The following PPP4R2 variants were observed in gnomAD, a reference collection of about 807,000 sequenced individuals.
The protein encoded by PPP4R2 is serine/threonine-protein phosphatase 4 regulatory subunit 2.
A neutral mutation model predicts 47.2 loss-of-function variants in PPP4R2; 13 were observed. That is an observed-to-expected ratio of 0.28 (90% confidence interval 0.18 to 0.44). The LOEUF (loss-of-function observed/expected upper bound fraction) is 0.44. PPP4R2 is among the 20% of genes least tolerant of loss of function. The pLI is 1.00. For missense variants in PPP4R2, 421 were observed against 491.2 expected (o/e 0.86, Z 1.35); for synonymous variants, 151 against 163.3 (o/e 0.92, Z 0.57).
chr3:73,039,481 G>A (rs73099331), intron 2 of PPP4R2, among the ~76,000 whole-genome samples: 47,166 of 152,046 alleles, frequency 0.31, 8,720 homozygotes, highest in South Asian at 0.51. Context: ...CAAAAATTCT[G>A]TTCATAATTG....
At position 73,065,921 on chromosome 3, in the gene PPP4R2, C is replaced by A. The variant is rs1223299778; in HGVS notation, c.*199C>A. Reference sequence around the variant, plus strand: ...GCTCCTCTGGGTCCTGCTTACCTTACCGCTGACTTTTCTTTCTTTCTTTTT... The same window carrying A: ...GCTCCTCTGGGTCCTGCTTACCTTAACGCTGACTTTTCTTTCTTTCTTTTT... On this transcript the variant is annotated 3_prime_UTR_variant, in exon 9 of 9. Coordinates refer to ENST00000356692, the MANE Select transcript of PPP4R2 (RefSeq NM_174907.4). 9 of 364,820 alleles carry A rather than the reference C, an allele frequency of 2.5e-5. No individual in the cohort carries two copies. In the East Asian group the frequency reaches 3.6e-4, roughly 15 times the overall value. 22.6% of individuals were successfully genotyped at this position (364,820 alleles called of 1,614,324 possible). A position where few individuals can be genotyped will look rare whatever the true frequency, so the allele number is the denominator to read the frequency against.
intron 8 of PPP4R2, 83 bp downstream of exon 8, chr3:73,065,224 C>T (rs1309145224): frequency 1.2e-5 from 17 of 1,382,030 alleles, no homozygotes; most frequent in African/African-American, 1.5e-5. Flanking sequence ...AAGAATTTTA[C>T]GTAATGGAAC....
At chr3:73,019,262 A>G (rs992562592) in intron 2 of PPP4R2, among the ~76,000 whole-genome samples, 3 of 152,196 alleles carry the variant, frequency 2.0e-5, no homozygotes, top group African/African-American at 7.2e-5. Flanking sequence ...ATGTTCACAC[A>G]TTGGAATCAT....
chr3:73,063,423 A>T, intron 5 of PPP4R2: 1 of 339,746 alleles, frequency 2.9e-6, no homozygotes, highest in Non-Finnish European at 5.5e-6. Context: ...CATGAGTTTG[A>T]GGCTAGCCTG....
At chr3:73,041,712 A>G (rs999610632) in intron 2 of PPP4R2, among the ~76,000 whole-genome samples, 13 of 152,358 alleles carry the variant, frequency 8.5e-5, no homozygotes, top group Non-Finnish European at 1.5e-4. Context: ...TGTGCAATGC[A>G]GATAGGCTGA....
chr3:73,010,483 ATTTG>A (rs1701700147), intron 2 of PPP4R2, among the ~76,000 whole-genome samples: 4 of 152,094 alleles, frequency 2.6e-5, no homozygotes, highest in South Asian at 2.1e-4. Flanking sequence ...TATGCTTGTA[ATTTG>A]TTTGACCGTT....
intron 2 of PPP4R2, among the ~76,000 whole-genome samples, chr3:73,013,611 GTTATTTTCT>G (rs1701767376): frequency 6.6e-6 from 1 of 151,054 alleles, no homozygotes; most frequent in African/African-American, 2.4e-5. Flanking sequence ...TTTGCCTTTT[GTTATTTTCT>G]TTATTTAGAT....
In PPP4R2 at chr3:73,053,081, C is replaced by T. The variant is rs528717726; in HGVS notation, c.287+5725C>T. 9.8e-5 allele frequency among the ~76,000 whole-genome samples: 15 copies of T among 152,348 alleles called. No individual in the cohort carries two copies. The South Asian group carries it at 3.1e-3, about 32-fold the overall frequency. ...AGCCGTTTATTACTTTGTTCTCTGA[C>T]ACTGTTGATTCACTTTATTGCTTCC... On this transcript the variant is annotated intron_variant, in intron 3 of 8. Transcript: ENST00000356692.
chr3:73,042,036 G>C (rs1702389490), intron 2 of PPP4R2, among the ~76,000 whole-genome samples: 1 of 152,126 alleles, frequency 6.6e-6, no homozygotes, highest in Non-Finnish European at 1.5e-5. Context: ...AGAAGAAAAA[G>C]GAAGTGAAGG....
intron 2 of PPP4R2, among the ~76,000 whole-genome samples, chr3:73,036,432 A>G (rs1052819244): frequency 1.3e-5 from 2 of 152,246 alleles, no homozygotes; most frequent in Admixed American, 6.5e-5. Context: ...TTTGAAATGG[A>G]TAGCCCAAAT....
intron 2 of PPP4R2, among the ~76,000 whole-genome samples, chr3:73,029,187 C>T (rs1702124189): frequency 6.6e-6 from 1 of 152,186 alleles, no homozygotes; most frequent in African/African-American, 2.4e-5. Context: ...ACAATCCTCC[C>T]ACCTTGTCCT....
chr3:73,011,298 G>A (rs1701720538), intron 2 of PPP4R2, among the ~76,000 whole-genome samples: 1 of 152,106 alleles, frequency 6.6e-6, no homozygotes, highest in Non-Finnish European at 1.5e-5. Context: ...TGGCTAACAT[G>A]GTGAAACCCT....
chr3:73,045,048 C>T (rs931532935), intron 2 of PPP4R2, among the ~76,000 whole-genome samples: 10 of 152,154 alleles, frequency 6.6e-5, no homozygotes, highest in Non-Finnish European at 1.5e-4. Flanking sequence ...GGCTGGATTC[C>T]AGTGGTGTGA....
chr3:73,051,723 T>A (rs1195397884), intron 3 of PPP4R2, among the ~76,000 whole-genome samples: 1 of 152,278 alleles, frequency 6.6e-6, no homozygotes, highest in East Asian at 1.9e-4. Flanking sequence ...CCTCCCGGGT[T>A]CATGCCATTC....
intron 2 of PPP4R2, chr3:73,015,978 G>A: frequency 4.9e-6 from 1 of 205,584 alleles, no homozygotes; most frequent in South Asian, 5.1e-5. Context: ...ATGTTATCCA[G>A]GCTGGTCTCG....
intron 2 of PPP4R2, among the ~76,000 whole-genome samples, chr3:73,018,892 T>C (rs1291835297): frequency 1.3e-5 from 2 of 152,196 alleles, no homozygotes; most frequent in East Asian, 3.8e-4. Context: ...CATGTATCAA[T>C]TGCATTTTCT....
intron 1 of PPP4R2, 108 bp downstream of exon 1, chr3:72,997,179 G>A (rs142930174): frequency 6.6e-6 from 6 of 905,506 alleles, no homozygotes; most frequent in Admixed American, 8.5e-5. Flanking sequence ...GGCGTGGGGA[G>A]AGTGCTTCCC....
chr3:73,006,892 G>C (rs76945198), intron 2 of PPP4R2, among the ~76,000 whole-genome samples: 1 of 152,126 alleles, frequency 6.6e-6, no homozygotes, highest in African/African-American at 2.4e-5. Flanking sequence ...CTCTGTCACA[G>C]ATCCCAGTAA....
intron 4 of PPP4R2, among the ~76,000 whole-genome samples, chr3:73,060,291 GTACT>G (rs1340349845): frequency 1.3e-5 from 2 of 152,192 alleles, no homozygotes; most frequent in African/African-American, 4.8e-5. Context: ...TGGCTCATCA[GTACT>G]TACTTTTCAG....
Sources: allele counts gnomAD v4.1 joint callset (sites outside exome capture counted in the v4.1 genomes callset), GRCh38; gene constraint gnomAD v4.1.1; transcripts MANE v1.5; gene names NCBI Gene and HGNC (gene_info 2026-07-23, HGNC 2026-07-21).